The following DGKI variants were observed in gnomAD, a reference collection of about 807,000 sequenced individuals.
DGKI encodes diacylglycerol kinase iota, also known as DAG kinase iota.
DGKI carries 55 observed loss-of-function variants against 147.5 expected under a neutral mutation model. The observed-to-expected ratio is 0.37, with a 90% CI of 0.30 to 0.47. The LOEUF (loss-of-function observed/expected upper bound fraction) is 0.47. Among genes scored for constraint, DGKI ranks in the 20% least tolerant of loss-of-function variants. The pLI is 1.00. For missense variants in DGKI, 1,007 were observed against 1,323.8 expected (o/e 0.76, Z 3.71); for synonymous variants, 469 against 477.1 (o/e 0.98, Z 0.22).
chr7:137,411,570 A>C, intron 29 of DGKI, among the ~76,000 whole-genome samples: 1 of 152,052 alleles, frequency 6.6e-6, no homozygotes, highest in East Asian at 1.9e-4. Context: ...ACACAAAATC[A>C]CACAGACAGT....
intron 2 of DGKI, among the ~76,000 whole-genome samples, chr7:137,683,992 T>G (rs972835166): frequency 6.6e-6 from 1 of 152,232 alleles, no homozygotes; most frequent in South Asian, 2.1e-4. Flanking sequence ...ATAAAGAGTA[T>G]GCTCACACAA....
intron 21 of DGKI, among the ~76,000 whole-genome samples, chr7:137,505,671 C>A (rs1816341497): frequency 6.7e-6 from 1 of 148,724 alleles, no homozygotes. Flanking sequence ...ACTCTGCAAT[C>A]CACATCTAGG....
At position 137,681,435 on chromosome 7, in the gene DGKI, G is replaced by A. The variant is rs534702352; in HGVS notation, c.511-2783C>T. ...AAGTAGAAAGGCACTTCTTCGCAAG[G>A]TATCCTGAAGACATCAATCCACACA... On this transcript the variant is annotated intron_variant, in intron 2 of 32. Transcript: ENST00000614521. Among the ~76,000 whole-genome samples the A allele has an allele frequency of 4.2e-4, 64 of 152,280 alleles. 1 individual carries two copies. In the South Asian group the frequency reaches 0.013, roughly 30 times the overall value.
At chr7:137,824,695 CCT>C (rs1332925545) in intron 1 of DGKI, among the ~76,000 whole-genome samples, 2 of 151,938 alleles carry the variant, frequency 1.3e-5, no homozygotes, top group Non-Finnish European at 2.9e-5. Context: ...TTTTCCTGAT[CCT>C]CTCCCTCCTC....
intron 20 of DGKI, among the ~76,000 whole-genome samples, chr7:137,532,776 T>C (rs1480296077): frequency 5.9e-5 from 9 of 152,194 alleles, no homozygotes; most frequent in African/African-American, 2.2e-4. Flanking sequence ...TTCCCTTCTC[T>C]AATTCCTGAT....
intron 2 of DGKI, among the ~76,000 whole-genome samples, chr7:137,683,043 C>T (rs988039495): frequency 2.0e-5 from 3 of 152,126 alleles, no homozygotes; most frequent in Admixed American, 2.0e-4. Context: ...CTTCCCTTTG[C>T]TTTTATTTTT....
chr7:137,454,356 T>C (rs999952270), intron 27 of DGKI, among the ~76,000 whole-genome samples: 23 of 152,356 alleles, frequency 1.5e-4, no homozygotes, highest in African/African-American at 5.3e-4. Context: ...CTGAGTCGCC[T>C]GAATGTCTTT....
At chr7:137,407,492 C>A (rs986898954) in intron 30 of DGKI, among the ~76,000 whole-genome samples, 4 of 151,996 alleles carry the variant, frequency 2.6e-5, no homozygotes, top group Non-Finnish European at 5.9e-5. Context: ...ATCTTCACAA[C>A]GATGAACCGC....
intron 6 of DGKI, among the ~76,000 whole-genome samples, chr7:137,630,592 G>A (rs1251254198): frequency 6.6e-6 from 1 of 152,192 alleles, no homozygotes; most frequent in Non-Finnish European, 1.5e-5. Flanking sequence ...CGTGGAAACA[G>A]ACAACTTAAC....
At chr7:137,573,279 T>G (rs566583513) in intron 17 of DGKI, among the ~76,000 whole-genome samples, 2 of 152,350 alleles carry the variant, frequency 1.3e-5, no homozygotes, top group East Asian at 3.9e-4. Flanking sequence ...ATATAATGAT[T>G]TATTTTCTTC....
intron 1 of DGKI, among the ~76,000 whole-genome samples, chr7:137,824,006 G>A (rs1042290785): frequency 1.3e-5 from 2 of 152,104 alleles, no homozygotes; most frequent in Non-Finnish European, 2.9e-5. Flanking sequence ...AAATAAAATT[G>A]TAATATGTAT....
chr7:137,561,995 C>A (rs964741979), intron 19 of DGKI, among the ~76,000 whole-genome samples: 2 of 151,952 alleles, frequency 1.3e-5, no homozygotes, highest in Non-Finnish European at 2.9e-5. Flanking sequence ...CTATTTGTTG[C>A]CAACAGAACT....
chr7:137,413,818 C>T (rs1398450147), intron 28 of DGKI, among the ~76,000 whole-genome samples: 3 of 152,054 alleles, frequency 2.0e-5, no homozygotes, highest in Non-Finnish European at 4.4e-5. Flanking sequence ...ATTGCTGGGT[C>T]GAATGGTAGT....
intron 1 of DGKI, among the ~76,000 whole-genome samples, chr7:137,746,992 C>T (rs1477586697): frequency 2.0e-5 from 3 of 152,008 alleles, no homozygotes; most frequent in Non-Finnish European, 2.9e-5. Context: ...GGAGTCAGGA[C>T]CCTGGGAATT....
At chr7:137,587,945 T>C (rs1819466102) in intron 12 of DGKI, among the ~76,000 whole-genome samples, 1 of 152,168 alleles carries the variant, frequency 6.6e-6, no homozygotes. Context: ...TTGGGTTTAG[T>C]CTTATAACTA....
chr7:137,527,974 G>C (rs1246231057), intron 20 of DGKI, among the ~76,000 whole-genome samples: 1 of 152,176 alleles, frequency 6.6e-6, no homozygotes, highest in African/African-American at 2.4e-5. Context: ...TTCACACTAT[G>C]AATCTCTTCC....
intron 21 of DGKI, among the ~76,000 whole-genome samples, chr7:137,490,368 A>G (rs552054664): frequency 6.6e-6 from 1 of 152,202 alleles, no homozygotes; most frequent in Non-Finnish European, 1.5e-5. Flanking sequence ...ATACAACACT[A>G]TATTTAAAAA....
In DGKI at chr7:137,552,447, A is replaced by T. The variant is rs776305848; in HGVS notation, c.2069T>A (p.Met690Lys). The change falls in exon 20 of 33, where the codon ATG (methionine) becomes AAG (lysine). Residue 690 changes from methionine (M) to lysine (K), a missense_variant. Coordinates refer to ENST00000614521, the MANE Select transcript of DGKI (RefSeq NM_001321708.2). ...DGEPCRLAPA[M>K]IRISLRNQAN... ...CTGATTCCTCAGGGAGATCCGAATCATAGCTGGGGCCAACCTACAGGGCTC... is the reference window on the plus strand; with the variant it reads ...CTGATTCCTCAGGGAGATCCGAATCTTAGCTGGGGCCAACCTACAGGGCTC... The T allele has an allele frequency of 6.2e-7, 1 of 1,614,166 alleles. No homozygotes were observed. Among genetic ancestry groups the T allele is most frequent in the Non-Finnish European group, 8.5e-7 (1 of 1,180,032 alleles).
At chr7:137,548,646 A>C (rs1817943490) in intron 20 of DGKI, among the ~76,000 whole-genome samples, 1 of 152,192 alleles carries the variant, frequency 6.6e-6, no homozygotes, top group Non-Finnish European at 1.5e-5. Flanking sequence ...CAGAACTGTG[A>C]GCCAAATAAA....
Sources: allele counts gnomAD v4.1 joint callset (sites outside exome capture counted in the v4.1 genomes callset), GRCh38; gene constraint gnomAD v4.1.1; transcripts MANE v1.5; gene names NCBI Gene and HGNC (gene_info 2026-07-23, HGNC 2026-07-21).